APBB1IP: variants seen among roughly 807,000 people sequenced by gnomAD.
The protein encoded by APBB1IP is amyloid beta precursor protein binding family B member 1 interacting protein, also known as amyloid beta A4 precursor protein-binding family B member 1-interacting protein.
APBB1IP carries 27 observed loss-of-function variants against 64.9 expected under a neutral mutation model. That is an observed-to-expected ratio of 0.42 (90% CI 0.31 to 0.57). The LOEUF (loss-of-function observed/expected upper bound fraction) is 0.57, where lower values mean the gene tolerates loss of function less well. Among genes scored for constraint, APBB1IP ranks in the 20% least tolerant of loss-of-function variants. The pLI is 0.20. For missense variants in APBB1IP, 812 were observed against 845.5 expected (o/e 0.96, Z 0.49); for synonymous variants, 392 against 331.0 (o/e 1.18, Z -2.00).
intron 2 of APBB1IP, among the ~76,000 whole-genome samples, chr10:26,473,899 G>A (rs1187840192): frequency 6.6e-6 from 1 of 151,662 alleles, no homozygotes; most frequent in Non-Finnish European, 1.5e-5. Flanking sequence ...CTACTTAGGA[G>A]GCTGAGGCAT....
chr10:26,524,263 C>A (rs1836442249), intron 8 of APBB1IP, among the ~76,000 whole-genome samples: 1 of 152,132 alleles, frequency 6.6e-6, no homozygotes, highest in Non-Finnish European at 1.5e-5. Flanking sequence ...AAGCGTCCTG[C>A]CCCATACCCG....
chr10:26,517,162 A>G (rs917168029), intron 8 of APBB1IP, among the ~76,000 whole-genome samples: 7 of 152,214 alleles, frequency 4.6e-5, no homozygotes, highest in African/African-American at 1.4e-4. Context: ...TGGGGATGGC[A>G]TGTCTTTCAG....
intron 8 of APBB1IP, among the ~76,000 whole-genome samples, chr10:26,532,879 T>C (rs980371609): frequency 2.4e-4 from 36 of 152,342 alleles, no homozygotes; most frequent in Admixed American, 3.9e-4. Context: ...CCTTGGAAGT[T>C]GCTAAATAGT....
intron 4 of APBB1IP, among the ~76,000 whole-genome samples, chr10:26,497,947 G>T (rs34710659): frequency 6.6e-6 from 1 of 151,800 alleles, no homozygotes; most frequent in Non-Finnish European, 1.5e-5. Flanking sequence ...GGCTGGTCTC[G>T]AACTCCAGAC....
At chr10:26,528,353 T>C (rs186342855) in intron 8 of APBB1IP, among the ~76,000 whole-genome samples, 56 of 152,310 alleles carry the variant, frequency 3.7e-4, no homozygotes, top group African/African-American at 1.3e-3. Flanking sequence ...TCTGTGCCTT[T>C]GTGCATGCTT....
intron 2 of APBB1IP, among the ~76,000 whole-genome samples, chr10:26,485,631 A>G (rs774543612): frequency 5.3e-5 from 8 of 152,178 alleles, no homozygotes; most frequent in African/African-American, 1.2e-4. Context: ...AGATGTCACA[A>G]CAAGCCTAAG....
chr10:26,478,027 A>G (rs1044845964), intron 2 of APBB1IP, among the ~76,000 whole-genome samples: 3 of 152,264 alleles, frequency 2.0e-5, no homozygotes, highest in Non-Finnish European at 4.4e-5. Context: ...TGAGAATCCA[A>G]CAGTGAACAA....
chr10:26,461,509 C>T (rs1835591943), intron 2 of APBB1IP, among the ~76,000 whole-genome samples: 1 of 151,818 alleles, frequency 6.6e-6, no homozygotes, highest in Non-Finnish European at 1.5e-5. Flanking sequence ...CTTTAAAATA[C>T]ATTTTTATTA....
At chr10:26,502,802 A>G (rs1021772801) in intron 5 of APBB1IP, among the ~76,000 whole-genome samples, 9 of 152,216 alleles carry the variant, frequency 5.9e-5, no homozygotes, top group African/African-American at 1.9e-4. Flanking sequence ...GTCAATCTAT[A>G]GATTCCTTAG....
At position 26,567,009 on chromosome 10, in the gene APBB1IP, G is replaced by A. The variant is rs746992246; in HGVS notation, c.1522G>A (p.Ala508Thr). The A allele has an allele frequency of 4.5e-6, 7 of 1,572,826 alleles. No homozygotes were observed. In the South Asian group the frequency reaches 6.7e-5, roughly 15 times the overall value. The change falls in exon 15 of 15, where the codon GCC (alanine) becomes ACC (threonine). Residue 508 changes from alanine to threonine, a missense_variant. Around this residue, in one of 3 missense-constraint regions of APBB1IP, gnomAD observed 381 missense variants for 352.1 expected, o/e 1.08. Coordinates refer to ENST00000376236, the MANE Select transcript of APBB1IP (RefSeq NM_019043.4). The stretch of plus-strand genomic sequence containing the variant: ...CCACCACGACCCGGCAGTGCCCCGG[G>A]CCCCGCACGCCCCCAAGTCCAGCCT... Reference protein sequence around the residue: ...GNHHDPAVPRAPHAPKSSLPP... With the variant: ...GNHHDPAVPRTPHAPKSSLPP...
At chr10:26,553,122 A>T (rs1039808599) in intron 11 of APBB1IP, among the ~76,000 whole-genome samples, 1 of 152,020 alleles carries the variant, frequency 6.6e-6, no homozygotes, top group African/African-American at 2.4e-5. Flanking sequence ...CCCAGGTTCA[A>T]GCAATTCTCC....
chr10:26,510,210 T>C (rs1451172685), intron 6 of APBB1IP, among the ~76,000 whole-genome samples: 1 of 152,174 alleles, frequency 6.6e-6, no homozygotes, highest in East Asian at 1.9e-4. Flanking sequence ...CCTCATGATC[T>C]GTCCACCTCG....
At chr10:26,486,707 C>T (rs945151193) in intron 2 of APBB1IP, among the ~76,000 whole-genome samples, 2 of 152,148 alleles carry the variant, frequency 1.3e-5, no homozygotes, top group African/African-American at 4.8e-5. Context: ...GTGAGATTAA[C>T]TCTGCCGTCG....
At chr10:26,502,284 C>T (rs1371312567) in intron 5 of APBB1IP, among the ~76,000 whole-genome samples, 1 of 152,226 alleles carries the variant, frequency 6.6e-6, no homozygotes, top group African/African-American at 2.4e-5. Context: ...ACTTCACTCA[C>T]TTTTCAGCCT....
intron 8 of APBB1IP, among the ~76,000 whole-genome samples, chr10:26,514,015 T>A (rs1426205718): frequency 2.0e-5 from 3 of 152,198 alleles, no homozygotes; most frequent in Non-Finnish European, 4.4e-5. Context: ...ATTACAGACG[T>A]GAGCCACTGC....
intron 2 of APBB1IP, among the ~76,000 whole-genome samples, chr10:26,486,370 A>G (rs142305656): frequency 2.0e-5 from 3 of 152,284 alleles, no homozygotes; most frequent in African/African-American, 7.2e-5. Flanking sequence ...AGCCTTCTAC[A>G]GGAAAAGCCA....
chr10:26,499,345 A>G (rs787040), intron 4 of APBB1IP, among the ~76,000 whole-genome samples: 28,079 of 151,986 alleles, frequency 0.18, 2,737 homozygotes, highest in East Asian at 0.33. Context: ...ATTATATATA[A>G]AAAAGGCTTA....
In APBB1IP at chr10:26,510,734, T is replaced by TCTCTCTCACACACACACA. The variant is rs375916170; in HGVS notation, c.532-1012_532-1011insTCTCTCACACACACACAC. Among the ~76,000 whole-genome samples, 21 of 135,982 alleles carry TCTCTCTCACACACACACA rather than the reference T, an allele frequency of 1.5e-4. 1 individual carries two copies. The South Asian group carries it at 2.5e-3, about 16-fold the overall frequency. The allele number at this position is 135,982 out of a possible 152,430, so 89.2% of individuals were successfully genotyped here. On this transcript the variant is annotated intron_variant, in intron 6 of 14. Transcript: ENST00000376236. Reference sequence around the variant, plus strand: ...CTAGGCAACAGAGCAAGACCCTGTCTCACACACACACACACACACACACAC... The same window carrying TCTCTCTCACACACACACA: ...CTAGGCAACAGAGCAAGACCCTGTCTCTCTCTCACACACACACACACACACACACACACACACACACAC...
chr10:26,560,215 T>C lies in APBB1IP; in HGVS notation c.1254+12T>C. 1.2e-6 allele frequency: 2 copies of C among 1,611,662 alleles called. No individual in the cohort carries two copies. Among genetic ancestry groups the C allele is most frequent in the Non-Finnish European group, 1.7e-6 (2 of 1,177,840 alleles). ...TACGGATAGCCAAGGTGAGAGAGCG[T>C]TCGGACTTCACCCTGTCTTGAACTT... On this transcript the variant is annotated intron_variant, in intron 12 of 14. Transcript: ENST00000376236.
Sources: gnomAD v4.1 joint callset for allele counts (sites outside exome capture counted in the v4.1 genomes callset) on GRCh38, gnomAD v4.1.1 for gene constraint, gnomAD v4.1.1 regional missense constraint, MANE v1.5 for transcripts, NCBI Gene and HGNC (gene_info 2026-07-23, HGNC 2026-07-21) for gene names.